Variants in SLC41A2 observed in about 807,000 individuals in gnomAD.
SLC41A2 encodes SLC41A1-like 1.
Under a neutral mutation model 58.3 loss-of-function variants are expected in SLC41A2, and 32 were observed. The observed-to-expected ratio is 0.55, with a 90% confidence interval of 0.41 to 0.74. The LOEUF is 0.74. Ranked by LOEUF, SLC41A2 falls within the 30% of genes least tolerant of loss-of-function variation. The pLI is 0.00. For synonymous variants in SLC41A2, 190 were observed against 235.0 expected, an observed-to-expected ratio of 0.81 and a Z score of 1.75; for missense variants, 514 against 680.6, an observed-to-expected ratio of 0.76 and a Z score of 2.72.
chr12:104,938,581 A>G (rs1247143852), intron 1 of SLC41A2, among the ~76,000 whole-genome samples: 1 of 152,200 alleles, frequency 6.6e-6, no homozygotes, highest in East Asian at 1.9e-4. Context: ...CTCTGTCATG[A>G]GAATGGCATG....
At chr12:104,902,548 C>A (rs1240075118) in intron 3 of SLC41A2, among the ~76,000 whole-genome samples, 1 of 152,116 alleles carries the variant, frequency 6.6e-6, no homozygotes, top group Non-Finnish European at 1.5e-5. Flanking sequence ...GATCTGAGAA[C>A]AGCAATGTGC....
intron 6 of SLC41A2, among the ~76,000 whole-genome samples, chr12:104,878,064 T>C (rs2044142818): frequency 6.6e-6 from 1 of 151,836 alleles, no homozygotes; most frequent in Non-Finnish European, 1.5e-5. Flanking sequence ...TCAGTGTGCA[T>C]TATTTTCCTC....
chr12:104,898,029 G>A (rs1013557393), intron 3 of SLC41A2, among the ~76,000 whole-genome samples: 2 of 152,062 alleles, frequency 1.3e-5, no homozygotes, highest in Non-Finnish European at 2.9e-5. Flanking sequence ...CAAACCAAGA[G>A]CTTAGAAGGT....
chr12:104,857,518 A>AT (rs1482115174), intron 8 of SLC41A2, among the ~76,000 whole-genome samples: 1 of 152,194 alleles, frequency 6.6e-6, no homozygotes, highest in African/African-American at 2.4e-5. Context: ...CACCCAAAGG[A>AT]TTATAAATCA....
intron 10 of SLC41A2, among the ~76,000 whole-genome samples, chr12:104,814,080 ATTTCTTACAAG>A (rs1409986631): frequency 2.6e-5 from 4 of 152,148 alleles, no homozygotes; most frequent in African/African-American, 9.7e-5. Context: ...GAATAAACAT[ATTTCTTACAAG>A]TGCTGTGGTC....
intron 10 of SLC41A2, among the ~76,000 whole-genome samples, chr12:104,811,782 G>GT (rs1281828768): frequency 1.3e-5 from 2 of 152,178 alleles, no homozygotes; most frequent in Admixed American, 1.3e-4. Context: ...TACTGAGAGG[G>GT]ACACATGAGA....
At chr12:104,828,870 C>T (rs1446336504) in intron 10 of SLC41A2, among the ~76,000 whole-genome samples, 1 of 151,410 alleles carries the variant, frequency 6.6e-6, no homozygotes, top group Non-Finnish European at 1.5e-5. Context: ...CATAAGAAAA[C>T]ATGAGTGGTT....
At chr12:104,921,380 G>A (rs2135845600) in intron 2 of SLC41A2, among the ~76,000 whole-genome samples, 1 of 151,588 alleles carries the variant, frequency 6.6e-6, no homozygotes, top group East Asian at 1.9e-4. Context: ...AGCAGCAAGA[G>A]AAAAAGAAGA....
chr12:104,850,178 C>G (rs187947369), intron 8 of SLC41A2, among the ~76,000 whole-genome samples: 1 of 152,282 alleles, frequency 6.6e-6, no homozygotes, highest in African/African-American at 2.4e-5. Context: ...TCCAAGTTAC[C>G]TGGAAGCAAA....
At position 104,870,174 on chromosome 12, in the gene SLC41A2, G is replaced by A. The variant is rs78702751; in HGVS notation, c.1028-3595C>T. Among the ~76,000 whole-genome samples the A allele has an allele frequency of 9.8e-3, 1,497 of 152,244 alleles. 22 individuals are homozygous for A. Among genetic ancestry groups the A allele is most frequent in the African/African-American group, 0.034 (1,403 of 41,524 alleles). On this transcript the variant is annotated intron_variant, in intron 6 of 10. Transcript: ENST00000258538. ...AATATAATTGCAGGTATAGGAGGGA[G>A]GCAGGAGCAGATGTGGCTGCAGAAG...
chr12:104,815,845 T>C (rs1209929139), intron 10 of SLC41A2, among the ~76,000 whole-genome samples: 1 of 152,204 alleles, frequency 6.6e-6, no homozygotes, highest in South Asian at 2.1e-4. Context: ...AGGAATTCAG[T>C]CTACTTCTTT....
At chr12:104,873,705 T>C (rs930284507) in intron 6 of SLC41A2, among the ~76,000 whole-genome samples, 2 of 152,368 alleles carry the variant, frequency 1.3e-5, no homozygotes, top group East Asian at 3.9e-4. Context: ...TTTCATCTTA[T>C]TGGTAATAGC....
At chr12:104,854,193 T>C (rs115110097) in intron 8 of SLC41A2, among the ~76,000 whole-genome samples, 1,983 of 152,012 alleles carry the variant, frequency 0.013, 39 homozygotes, top group African/African-American at 0.044. Flanking sequence ...AATGAAAATT[T>C]CATGGGTAGG....
intron 10 of SLC41A2, among the ~76,000 whole-genome samples, chr12:104,837,089 C>T (rs2042238388): frequency 6.6e-6 from 1 of 152,062 alleles, no homozygotes; most frequent in Admixed American, 6.5e-5. Context: ...TAACAGCTCC[C>T]CCTGTTAATT....
At chr12:104,941,767 G>A (rs1372413547) in intron 1 of SLC41A2, among the ~76,000 whole-genome samples, 4 of 152,204 alleles carry the variant, frequency 2.6e-5, no homozygotes, top group Non-Finnish European at 5.9e-5. Flanking sequence ...TGCATGTGGG[G>A]CTTAAAACCT....
At chr12:104,892,351 T>C (rs2045049532) in intron 4 of SLC41A2, among the ~76,000 whole-genome samples, 1 of 148,832 alleles carries the variant, frequency 6.7e-6, no homozygotes, top group South Asian at 2.1e-4. Flanking sequence ...ATGCAAGAAA[T>C]TGAAGAGGAC....
At chr12:104,880,290 A>G (rs952036955) in intron 6 of SLC41A2, among the ~76,000 whole-genome samples, 3 of 152,130 alleles carry the variant, frequency 2.0e-5, no homozygotes, top group African/African-American at 4.8e-5. Context: ...CTCTCTTCCT[A>G]TTGGAATACC....
chr12:104,897,296 C>A (rs2045340003), intron 3 of SLC41A2, among the ~76,000 whole-genome samples: 1 of 151,968 alleles, frequency 6.6e-6, no homozygotes, highest in Non-Finnish European at 1.5e-5. Context: ...CAGGTGCCCA[C>A]CACCATGCCC....
At chr12:104,871,847 A>T (rs1331769776) in intron 6 of SLC41A2, among the ~76,000 whole-genome samples, 1 of 152,212 alleles carries the variant, frequency 6.6e-6, no homozygotes, top group Non-Finnish European at 1.5e-5. Flanking sequence ...TTTTGTCCTT[A>T]AGAAGCTTAT....
Sources: gnomAD v4.1 joint callset for allele counts (sites outside exome capture counted in the v4.1 genomes callset) on GRCh38, gnomAD v4.1.1 for gene constraint, MANE v1.5 for transcripts, NCBI Gene and HGNC (gene_info 2026-07-23, HGNC 2026-07-21) for gene names.